NCAPH2: variants seen among roughly 807,000 people sequenced by gnomAD.
NCAPH2 encodes condensin-2 complex subunit H2.
Under a neutral mutation model 88.6 loss-of-function variants are expected in NCAPH2, and 56 were observed. That is an observed-to-expected ratio of 0.63 (90% confidence interval 0.51 to 0.79). The LOEUF is 0.79. NCAPH2 is among the 30% of genes least tolerant of loss of function. NCAPH2 has a pLI of 0.00. For missense variants in NCAPH2, 794 were observed against 792.0 expected (o/e 1.00, Z -0.03); for synonymous variants, 378 against 313.6 (o/e 1.21, Z -2.17).
intron 7 of NCAPH2, 67 bp downstream of exon 7, chr22:50,518,345 G>A: frequency 1.3e-6 from 2 of 1,574,540 alleles, no homozygotes; most frequent in Admixed American, 1.8e-5. Flanking sequence ...ACTCTTGTGG[G>A]GTGCCCTGTG....
chr22:50,523,200 G>C (rs375271688), intron 19 of NCAPH2, 34 bp downstream of exon 19: 5 of 1,613,526 alleles, frequency 3.1e-6, no homozygotes, highest in Middle Eastern at 1.6e-4. Flanking sequence ...AGGGGGAGAC[G>C]GTCCCCAGAC....
At chr22:50,521,941 T>C in intron 12 of NCAPH2, 45 bp from the exon 13 acceptor site, 1 of 1,613,770 alleles carries the variant, frequency 6.2e-7, no homozygotes, top group Non-Finnish European at 8.5e-7. Flanking sequence ...CCCAATGCTG[T>C]GGGCAGCTCT....
chr22:50,516,367 A>G (rs1038806247), intron 1 of NCAPH2, 80 bp from the exon 2 acceptor site: 18 of 1,369,610 alleles, frequency 1.3e-5, no homozygotes, highest in Non-Finnish European at 1.9e-5. Context: ...GCAGAGACCA[A>G]AGATGGGTGG....
At chr22:50,514,204 C>G (rs1011516422) in intron 1 of NCAPH2, among the ~76,000 whole-genome samples, 1 of 152,110 alleles carries the variant, frequency 6.6e-6, no homozygotes, top group Non-Finnish European at 1.5e-5. Context: ...AGCATGGAGG[C>G]CTCCCTCTGG....
chr22:50,523,550 A>ATC lies in NCAPH2; in HGVS notation c.*176_*177dup. On this transcript the variant is annotated 3_prime_UTR_variant, in exon 20 of 20. Transcript: ENST00000420993. ...TGGCCTCCCTGGGCCGCTGGTACAG[A>ATC]TCACACACACACACAGATTAAACGC... 1 of 1,592,132 alleles carries ATC rather than the reference A, an allele frequency of 6.3e-7. No homozygotes were observed. The highest frequency in any genetic ancestry group is 8.6e-7 in the Non-Finnish European group (1 of 1,166,896).
At chr22:50,519,048 C>T (rs1005965314) in intron 8 of NCAPH2, 142 bp from the exon 9 acceptor site, 15 of 769,020 alleles carry the variant, frequency 2.0e-5, no homozygotes, top group East Asian at 8.1e-5. Flanking sequence ...CACAGGAGCA[C>T]GACGAGGATG....
In NCAPH2 at chr22:50,515,642, C is replaced by T. The variant is rs571229439; in HGVS notation, c.109-805C>T. 160 of 1,109,302 alleles carry T rather than the reference C, an allele frequency of 1.4e-4. 1 individual carries two copies. The highest frequency in any genetic ancestry group is 3.4e-4 in the South Asian group (23 of 68,586). 68.7% of individuals were successfully genotyped at this position (1,109,302 alleles called of 1,614,324 possible). A position where few individuals can be genotyped will look rare whatever the true frequency, so the allele number is the denominator to read the frequency against. ...CGATCTCCTGACCTCATGATCTGCC[C>T]GCCTCGGCCTCCCAAAGTGCTGGGA... On this transcript the variant is annotated intron_variant, in intron 1 of 19. Transcript: ENST00000420993.
chr22:50,523,824 T>C lies in NCAPH2; in HGVS notation c.*449T>C. On this transcript the variant is annotated 3_prime_UTR_variant, in exon 20 of 20. Coordinates refer to ENST00000420993, the MANE Select transcript of NCAPH2 (RefSeq NM_152299.4). ...AACTGTGACTAGCCTGGGCAACCTG[T>C]TTGGTGGAGCCGGTCAGACCCAACA... 1 of 1,614,044 alleles carries C rather than the reference T, an allele frequency of 6.2e-7. No individual in the cohort carries two copies. The highest frequency in any genetic ancestry group is 8.5e-7 in the Non-Finnish European group (1 of 1,180,026).
chr22:50,508,225 C>T lies in NCAPH2; in HGVS notation c.-113C>T, dbSNP rs1382582906. 3.8e-6 allele frequency: 3 copies of T among 785,346 alleles called. No homozygotes were observed. Among genetic ancestry groups the T allele is most frequent in the Non-Finnish European group, 5.8e-6 (3 of 518,376 alleles). The allele number at this position is 785,346 out of a possible 1,614,324, so 48.6% of individuals were successfully genotyped here. ...ACATGCGCGCGACGCCGCGCCTACG[C>T]ATTTTCCTGGGCGGGAACAGCAAAA... On this transcript the variant is annotated 5_prime_UTR_variant, in exon 1 of 20. Transcript: ENST00000420993.
At chr22:50,521,653 G>A (rs755156991) in intron 11 of NCAPH2, 44 bp downstream of exon 11, 65 of 1,596,646 alleles carry the variant, frequency 4.1e-5, no homozygotes, top group Non-Finnish European at 5.2e-5. Flanking sequence ...CCCTGGCTGG[G>A]TTTCCTGGGG....
At chr22:50,512,557 G>GTTT (rs1352349370) in intron 1 of NCAPH2, among the ~76,000 whole-genome samples, 1 of 103,380 alleles carries the variant, frequency 9.7e-6, no homozygotes, top group Non-Finnish European at 2.2e-5. Flanking sequence ...TTTTTTTTTT[G>GTTT]TTTTTTTTTT....
At chr22:50,508,520 T>G in intron 1 of NCAPH2, 75 bp downstream of exon 1, 1 of 929,356 alleles carries the variant, frequency 1.1e-6, no homozygotes, top group Non-Finnish European at 1.5e-6. Context: ...GGCCCGGGGC[T>G]GTGGGCGCCC....
chr22:50,514,772 C>T (rs1468139548), intron 1 of NCAPH2, among the ~76,000 whole-genome samples: 2 of 152,216 alleles, frequency 1.3e-5, no homozygotes, highest in Non-Finnish European at 2.9e-5. Context: ...CCAGATCTGA[C>T]AAACACCCTT....
At position 50,523,121 on chromosome 22, in the gene NCAPH2, G is replaced by A; in HGVS notation, c.1632G>A (p.Gln544=). 1 of 1,613,526 alleles carries A rather than the reference G, an allele frequency of 6.2e-7. No homozygotes were observed. The highest frequency in any genetic ancestry group is 8.5e-7 in the Non-Finnish European group (1 of 1,179,796). The change falls in exon 19 of 20, where the codon CAG becomes CAA. Residue 544 remains glutamine, a synonymous_variant. Transcript: ENST00000420993. The part of the protein sequence containing the change: ...WCPFAELVAG[Q]PAFEVCRSML... ...CCTTTGCGGAGCTGGTGGCTGGCCA[G>A]CCGGCCTTCGAGGTGTGTCGTTCCA...
At chr22:50,512,204 C>T (rs1307167860) in intron 1 of NCAPH2, among the ~76,000 whole-genome samples, 2 of 152,252 alleles carry the variant, frequency 1.3e-5, no homozygotes, top group Non-Finnish European at 2.9e-5. Flanking sequence ...GAGTGCCTGG[C>T]ACATAGGTGT....
chr22:50,518,032 G>A lies in NCAPH2; in HGVS notation c.480G>A (p.Lys160=). The change falls in exon 6 of 20, where the codon AAG becomes AAA. Residue 160 remains lysine (K), a synonymous_variant. Coordinates refer to ENST00000420993, the MANE Select transcript of NCAPH2 (RefSeq NM_152299.4). Reference sequence around the variant, plus strand: ...TGGTGGCCCCTGATGAAATGGAGAAGAACAACAATCCCCTGTACAGGTAGG... The same window carrying A: ...TGGTGGCCCCTGATGAAATGGAGAAAAACAACAATCCCCTGTACAGGTAGG... ...MALVAPDEME[K]NNNPLYSRQG... 3.7e-6 allele frequency: 6 copies of A among 1,614,070 alleles called. No homozygotes were observed. The highest frequency in any genetic ancestry group is 5.1e-6 in the Non-Finnish European group (6 of 1,179,986).
rs775083155 is a variant in NCAPH2 at position 50,519,194 on chromosome 22, C to T, written c.735C>T (p.Pro245=). Reference sequence around the variant, plus strand: ...ACTCTCTTGCTCCCTGCCTAGGCCCCTCTCCAGAAGGCCCGATGCCCCTGG... The same window carrying T: ...ACTCTCTTGCTCCCTGCCTAGGCCCTTCTCCAGAAGGCCCGATGCCCCTGG... ...PALGFSQEPG[P]SPEGPMPLGG... The change falls in exon 9 of 20, where the codon CCC becomes CCT. Residue 245 remains proline (P), a synonymous_variant. Transcript: ENST00000420993. 2 of 1,608,362 alleles carry T rather than the reference C, an allele frequency of 1.2e-6. No individual in the cohort carries two copies. Among genetic ancestry groups the T allele is most frequent in the East Asian group, 2.2e-5 (1 of 44,722 alleles).
rs146593633 is a variant in NCAPH2, at chr22:50,514,037, G to A, written c.109-2410G>A. Among the ~76,000 whole-genome samples the A allele has an allele frequency of 6.4e-3, 981 of 152,302 alleles. 3 individuals carry two copies. The highest frequency in any genetic ancestry group is 9.2e-3 in the Non-Finnish European group (624 of 68,032). On this transcript the variant is annotated intron_variant, in intron 1 of 19. Coordinates refer to ENST00000420993, the MANE Select transcript of NCAPH2 (RefSeq NM_152299.4). ...AGGGAGAATTACTTGAACCCAGGAG[G>A]CGGAGGTTGCAGTGAGCTGAGATTG...
chr22:50,518,374 G>C, intron 7 of NCAPH2, 96 bp downstream of exon 7: 1 of 1,514,150 alleles, frequency 6.6e-7, no homozygotes, highest in South Asian at 1.3e-5. Flanking sequence ...CTCTGGTCTT[G>C]GGAGCTCCCT....
Sources: allele counts gnomAD v4.1 joint callset (sites outside exome capture counted in the v4.1 genomes callset), GRCh38; gene constraint gnomAD v4.1.1; transcripts MANE v1.5; gene names NCBI Gene and HGNC (gene_info 2026-07-23, HGNC 2026-07-21).